Variants in PLCB1 observed in about 807,000 individuals in gnomAD.
The protein encoded by PLCB1 is 1-phosphatidylinositol 4,5-bisphosphate phosphodiesterase beta-1.
PLCB1 carries 46 observed loss-of-function variants against 161.8 expected under a neutral mutation model. That is an observed-to-expected ratio of 0.28 (90% CI 0.22 to 0.36). The LOEUF (loss-of-function observed/expected upper bound fraction) is 0.36, where lower values mean the gene tolerates loss of function less well. Ranked by LOEUF, PLCB1 falls within the 10% of genes least tolerant of loss-of-function variation. The pLI is 1.00. For synonymous variants in PLCB1, 517 were observed against 503.7 expected (o/e 1.03, Z -0.35); for missense variants, 1,016 against 1,472.5 (o/e 0.69, Z 5.07).
At chr20:8,601,048 A>C (rs1458736369) in intron 3 of PLCB1, among the ~76,000 whole-genome samples, 3 of 152,182 alleles carry the variant, frequency 2.0e-5, no homozygotes, top group Non-Finnish European at 4.4e-5. Flanking sequence ...GAAATGCAGA[A>C]ATCACCCGTC....
intron 2 of PLCB1, among the ~76,000 whole-genome samples, chr20:8,169,448 C>T (rs2051709811): frequency 6.6e-6 from 1 of 152,144 alleles, no homozygotes; most frequent in Non-Finnish European, 1.5e-5. Flanking sequence ...ACACTTGGCA[C>T]AACACACATG....
At chr20:8,430,354 G>A (rs1450843934) in intron 3 of PLCB1, among the ~76,000 whole-genome samples, 1 of 151,952 alleles carries the variant, frequency 6.6e-6, no homozygotes, top group African/African-American at 2.4e-5. Context: ...GAGAACAGAT[G>A]CTCTTCCCGG....
In PLCB1 at chr20:8,858,268, G is replaced by A. The variant is rs563467796; in HGVS notation, c.3424-23354G>A. ...TTGTTACAAGCAGTTTTGGTAATGC[G>A]GCTCCTGTGTTCATTATGAAATATT... On this transcript the variant is annotated intron_variant, in intron 31 of 31. Coordinates refer to ENST00000338037, the MANE Select transcript of PLCB1 (RefSeq NM_015192.4). Among the ~76,000 whole-genome samples the A allele has an allele frequency of 4.6e-5, 7 of 152,094 alleles. No homozygotes were observed. The South Asian group carries it at 6.2e-4, about 14-fold the overall frequency.
intron 2 of PLCB1, among the ~76,000 whole-genome samples, chr20:8,329,347 T>A (rs879107044): frequency 6.7e-6 from 1 of 148,282 alleles, no homozygotes; most frequent in African/African-American, 2.5e-5. Flanking sequence ...TGAGATGGAG[T>A]CTTGCTGTGT....
chr20:8,473,757 G>A (rs1370926933), intron 3 of PLCB1, among the ~76,000 whole-genome samples: 1 of 152,178 alleles, frequency 6.6e-6, no homozygotes, highest in African/African-American at 2.4e-5. Flanking sequence ...AAGAGTTAAG[G>A]CATGATGTCA....
At chr20:8,357,393 C>T (rs1172389240) in intron 2 of PLCB1, among the ~76,000 whole-genome samples, 1 of 152,154 alleles carries the variant, frequency 6.6e-6, no homozygotes, top group Non-Finnish European at 1.5e-5. Flanking sequence ...AGATACCTCA[C>T]AGACCAGGGA....
Position 8,884,897 on chromosome 20 carries a change from A to G in PLCB1, c.*3048A>G, listed in dbSNP as rs534639868. The stretch of plus-strand genomic sequence containing the variant: ...AAGGAAAGAATAAAAATTTCTTAAC[A>G]CAACCCAGCGGTTATTTCTTGGGGT... On this transcript the variant is annotated 3_prime_UTR_variant, in exon 32 of 32. Transcript: ENST00000338037. 1 of 152,730 alleles carries G rather than the reference A, an allele frequency of 6.5e-6. No homozygotes were observed. Among genetic ancestry groups the G allele is most frequent in the East Asian group, 1.9e-4 (1 of 5,186 alleles). The allele number at this position is 152,730 out of a possible 1,614,324, so 9.5% of individuals were successfully genotyped here.
At position 8,409,465 on chromosome 20, in the gene PLCB1, G is replaced by A. The variant is rs536799594; in HGVS notation, c.246+38015G>A. On this transcript the variant is annotated intron_variant, in intron 3 of 31. Transcript: ENST00000338037. ...TATTTTTATTATTATTATTATTATT[G>A]TTATTATTAATTTTGAGATGGAGTT... Among the ~76,000 whole-genome samples, 16 of 138,924 alleles carry A rather than the reference G, an allele frequency of 1.2e-4. No homozygotes were observed. The South Asian group carries it at 2.0e-3, about 17-fold the overall frequency. The allele number at this position is 138,924 out of a possible 152,430, so 91.1% of individuals were successfully genotyped here. A position where few individuals can be genotyped will look rare whatever the true frequency, so the allele number is the denominator to read the frequency against.
chr20:8,755,555 T>C (rs1981694649), intron 23 of PLCB1, among the ~76,000 whole-genome samples: 1 of 152,210 alleles, frequency 6.6e-6, no homozygotes, highest in Non-Finnish European at 1.5e-5. Context: ...AGGATCAGCA[T>C]TTATTCAACA....
At chr20:8,592,919 C>G (rs747436485) in intron 3 of PLCB1, among the ~76,000 whole-genome samples, 6 of 152,138 alleles carry the variant, frequency 3.9e-5, no homozygotes, top group Non-Finnish European at 5.9e-5. Context: ...ATTAGGGCCC[C>G]CTGAGCAGCT....
At chr20:8,691,849 G>C (rs1990486749) in intron 10 of PLCB1, among the ~76,000 whole-genome samples, 1 of 151,938 alleles carries the variant, frequency 6.6e-6, no homozygotes, top group Admixed American at 6.6e-5. Context: ...GTCACTTTTT[G>C]GATTTGGGGT....
intron 2 of PLCB1, among the ~76,000 whole-genome samples, chr20:8,235,575 G>A (rs879624714): frequency 3.3e-5 from 5 of 152,028 alleles, no homozygotes; most frequent in Non-Finnish European, 7.4e-5. Flanking sequence ...ACATTCTTGA[G>A]CATGTCTCTA....
chr20:8,138,905 A>G (rs955563679), intron 1 of PLCB1, among the ~76,000 whole-genome samples: 1 of 152,076 alleles, frequency 6.6e-6, no homozygotes, highest in Non-Finnish European at 1.5e-5. Flanking sequence ...GTTTGCATGT[A>G]CCTATTAATT....
At chr20:8,436,081 G>A (rs950268183) in intron 3 of PLCB1, among the ~76,000 whole-genome samples, 1 of 152,164 alleles carries the variant, frequency 6.6e-6, no homozygotes, top group Non-Finnish European at 1.5e-5. Context: ...GCTCACGCCT[G>A]TAATCCCAGC....
intron 31 of PLCB1, 56 bp downstream of exon 31, chr20:8,790,317 G>C: frequency 7.4e-7 from 1 of 1,344,674 alleles, no homozygotes; most frequent in South Asian, 1.2e-5. Context: ...CATTTAGTAA[G>C]AGTAAAACCT....
intron 3 of PLCB1, chr20:8,372,266 T>A (rs1159219150): frequency 1.3e-5 from 2 of 152,176 alleles, no homozygotes; most frequent in East Asian, 3.9e-4. Flanking sequence ...TCTATTTGAG[T>A]GTCTTCCCAC....
intron 3 of PLCB1, among the ~76,000 whole-genome samples, chr20:8,533,638 G>GT (rs1247184101): frequency 2.0e-5 from 3 of 150,618 alleles, no homozygotes; most frequent in Non-Finnish European, 4.4e-5. Context: ...TTTTTCATGT[G>GT]TTTTTTGGCT....
At chr20:8,308,352 C>T (rs1344416685) in intron 2 of PLCB1, among the ~76,000 whole-genome samples, 2 of 151,856 alleles carry the variant, frequency 1.3e-5, no homozygotes, top group Non-Finnish European at 2.9e-5. Context: ...CGCAGTGGCT[C>T]ATGCCTGTAA....
chr20:8,349,070 A>T (rs1054697057), intron 2 of PLCB1, among the ~76,000 whole-genome samples: 1 of 152,076 alleles, frequency 6.6e-6, no homozygotes, highest in Non-Finnish European at 1.5e-5. Flanking sequence ...ACATATACAC[A>T]CCCATGTACT....
Sources: allele counts gnomAD v4.1 joint callset (sites outside exome capture counted in the v4.1 genomes callset), GRCh38; gene constraint gnomAD v4.1.1; transcripts MANE v1.5; gene names NCBI Gene and HGNC (gene_info 2026-07-23, HGNC 2026-07-21).